DNAAF4: variants seen among roughly 807,000 people sequenced by gnomAD.
DNAAF4 encodes dynein assembly factor 4, axonemal.
DNAAF4 carries 43 observed loss-of-function variants against 51.8 expected under a neutral mutation model. That is an observed-to-expected ratio of 0.83 (90% confidence interval 0.65 to 1.07). The LOEUF is 1.07. Among genes scored for constraint, DNAAF4 ranks in the 50% least tolerant of loss-of-function variants. The pLI is 0.00. For synonymous variants in DNAAF4, 194 were observed against 165.6 expected, an observed-to-expected ratio of 1.17 and a Z score of -1.32; for missense variants, 581 against 493.0, an observed-to-expected ratio of 1.18 and a Z score of -1.69.
intron 6 of DNAAF4, among the ~76,000 whole-genome samples, chr15:55,448,711 C>T (rs1567010775): frequency 6.6e-6 from 1 of 151,296 alleles, no homozygotes; most frequent in East Asian, 2.0e-4. Context: ...CTATTAAAAA[C>T]TACACAAAAT....
intron 6 of DNAAF4, chr15:55,442,515 A>G: frequency 1.3e-6 from 1 of 757,132 alleles, no homozygotes; most frequent in Non-Finnish European, 2.4e-6. Flanking sequence ...CTGTTTCGGA[A>G]GGTCACTCTT....
intron 5 of DNAAF4, 86 bp downstream of exon 5, chr15:55,466,843 GC>G: frequency 6.7e-7 from 1 of 1,490,084 alleles, no homozygotes; most frequent in Non-Finnish European, 9.0e-7. Flanking sequence ...GTAACCTAAT[GC>G]TGTGAATAGA....
chr15:55,442,707 A>G (rs1341436131), intron 6 of DNAAF4: 1 of 1,477,144 alleles, frequency 6.8e-7, no homozygotes, highest in African/African-American at 1.4e-5. Context: ...TCTCATCAAC[A>G]CTCTGAACAT....
At chr15:55,433,889 T>TAAA (rs2057547398) in intron 8 of DNAAF4, among the ~76,000 whole-genome samples, 1 of 22,296 alleles carries the variant, frequency 4.5e-5, no homozygotes, top group Non-Finnish European at 6.8e-5. Context: ...ATATATTATA[T>TAAA]ATATATTATA....
chr15:55,429,820 C>CA (rs112917325), downstream of DNAAF4, among the ~76,000 whole-genome samples: 2,607 of 86,738 alleles, frequency 0.03, 22 homozygotes, highest in South Asian at 0.042. Context: ...TCCTCCGTCT[C>CA]AAAAAAAAAA....
At chr15:55,497,659 G>T in intron 3 of DNAAF4, 53 bp downstream of exon 3, 1 of 1,546,968 alleles carries the variant, frequency 6.5e-7, no homozygotes. Context: ...TTTTTAAAAG[G>T]TCTGAAACCG....
intron 4 of DNAAF4, among the ~76,000 whole-genome samples, chr15:55,469,314 G>T (rs1181282830): frequency 6.6e-6 from 1 of 150,390 alleles, no homozygotes; most frequent in Non-Finnish European, 1.5e-5. Context: ...TGGGGGACAA[G>T]AGCGAGGCTC....
intron 8 of DNAAF4, among the ~76,000 whole-genome samples, chr15:55,433,970 T>TTATATA (rs2057560187): frequency 3.4e-4 from 2 of 5,804 alleles, no homozygotes; most frequent in African/African-American, 1.0e-3. Flanking sequence ...TATAATATAT[T>TTATATA]TTATATATTA....
At chr15:55,424,264 T>C (rs1322593419) in intron 7 of DNAAF4, among the ~76,000 whole-genome samples, 1 of 152,246 alleles carries the variant, frequency 6.6e-6, no homozygotes, top group Admixed American at 6.5e-5. Flanking sequence ...TGATACATTC[T>C]GCCATGTTAT....
At chr15:55,449,237 A>G (rs1239770656) in intron 6 of DNAAF4, among the ~76,000 whole-genome samples, 1 of 149,768 alleles carries the variant, frequency 6.7e-6, no homozygotes. Flanking sequence ...TGATCCACCC[A>G]CCTCGGCCTC....
intron 7 of DNAAF4, among the ~76,000 whole-genome samples, chr15:55,438,113 G>A (rs1297695246): frequency 3.9e-5 from 6 of 152,142 alleles, no homozygotes; most frequent in South Asian, 2.1e-4. Flanking sequence ...GCTCACACCC[G>A]TAATCCCAGC....
At chr15:55,435,623 G>A (rs926063301) in intron 7 of DNAAF4, among the ~76,000 whole-genome samples, 1 of 152,144 alleles carries the variant, frequency 6.6e-6, no homozygotes, top group South Asian at 2.1e-4. Flanking sequence ...ACCTTTAGCT[G>A]TTTAGTTATA....
chr15:55,457,227 G>C (rs1006696718), intron 5 of DNAAF4, among the ~76,000 whole-genome samples: 2 of 152,186 alleles, frequency 1.3e-5, no homozygotes, highest in Non-Finnish European at 2.9e-5. Flanking sequence ...GGCATGGCCA[G>C]AGTGAGACTG....
intron 6 of DNAAF4, among the ~76,000 whole-genome samples, chr15:55,447,941 T>C (rs966214880): frequency 6.6e-6 from 1 of 152,096 alleles, no homozygotes; most frequent in Admixed American, 6.6e-5. Flanking sequence ...TCCAACACTA[T>C]GCTGTGTTGA....
chr15:55,428,787 G>A (rs1041699589), downstream of DNAAF4, among the ~76,000 whole-genome samples: 13 of 151,664 alleles, frequency 8.6e-5, no homozygotes, highest in Admixed American at 3.3e-4. Context: ...GAGCCACTGC[G>A]CCCAGCCTCT....
chr15:55,438,266 G>A (rs1432680757), intron 7 of DNAAF4, among the ~76,000 whole-genome samples: 1 of 151,368 alleles, frequency 6.6e-6, no homozygotes, highest in East Asian at 1.9e-4. Flanking sequence ...CAGGAGAATC[G>A]CTTGAACCTG....
chr15:55,481,676 G>GT (rs2058412672), intron 4 of DNAAF4, among the ~76,000 whole-genome samples: 1 of 152,158 alleles, frequency 6.6e-6, no homozygotes, highest in Non-Finnish European at 1.5e-5. Context: ...CAGACCATCA[G>GT]TTCCTCTGCC....
intron 4 of DNAAF4, among the ~76,000 whole-genome samples, chr15:55,480,509 C>T (rs143131844): frequency 1.3e-4 from 20 of 152,272 alleles, no homozygotes; most frequent in African/African-American, 4.6e-4. Context: ...CTTACGTTTA[C>T]TAGCCAAATG....
intron 5 of DNAAF4, among the ~76,000 whole-genome samples, chr15:55,464,823 T>C (rs1313547342): frequency 6.6e-6 from 1 of 152,080 alleles, no homozygotes; most frequent in Non-Finnish European, 1.5e-5. Context: ...GGCATGGTGG[T>C]ACATGCCTGT....
Sources: gnomAD v4.1 joint callset for allele counts (sites outside exome capture counted in the v4.1 genomes callset) on GRCh38, gnomAD v4.1.1 for gene constraint, MANE v1.5 for transcripts, NCBI Gene and HGNC (gene_info 2026-07-23, HGNC 2026-07-21) for gene names.